DHX29: variants seen among roughly 807,000 people sequenced by gnomAD.
DHX29 encodes ATP-dependent RNA helicase DHX29.
In DHX29, 79 loss-of-function variants were observed where a neutral mutation model predicts 167.9. That is an observed-to-expected ratio of 0.47 (90% CI 0.39 to 0.57). The LOEUF is 0.57. Ranked by LOEUF, DHX29 falls within the 20% of genes least tolerant of loss-of-function variation. The pLI, the probability that DHX29 is intolerant of heterozygous loss-of-function variation, is 0.00. For missense variants in DHX29, 1,347 were observed against 1,593.4 expected (o/e 0.85, Z 2.63); for synonymous variants, 530 against 546.0 (o/e 0.97, Z 0.41).
chr5:55,295,742 T>C (rs1251532796), intron 4 of DHX29, among the ~76,000 whole-genome samples: 1 of 152,188 alleles, frequency 6.6e-6, no homozygotes, highest in Non-Finnish European at 1.5e-5. Flanking sequence ...CCTCTTGTAT[T>C]TGGCCATTAT....
At chr5:55,279,758 G>C (rs1336729269) in intron 12 of DHX29, 2 of 152,602 alleles carry the variant, frequency 1.3e-5, no homozygotes, top group Admixed American at 1.3e-4. Flanking sequence ...TTTGGAGAGA[G>C]GGGGTCTCCC....
intron 1 of DHX29, among the ~76,000 whole-genome samples, chr5:55,306,988 T>C (rs1390553280): frequency 6.6e-6 from 1 of 152,152 alleles, no homozygotes; most frequent in Non-Finnish European, 1.5e-5. Context: ...CTGAAAATGA[T>C]ATGAAAAACT....
intron 18 of DHX29, among the ~76,000 whole-genome samples, chr5:55,271,226 C>T (rs777202793): frequency 1.3e-5 from 2 of 152,116 alleles, no homozygotes; most frequent in Non-Finnish European, 2.9e-5. Context: ...GGTGGTCTGT[C>T]CTATTTATTC....
chr5:55,276,316 C>A lies in DHX29; in HGVS notation c.2377G>T (p.Glu793Ter), dbSNP rs774295101. Residue 793 changes from glutamate to a stop codon, truncating the protein, a stop_gained, in exon 14 of 27, where the codon GAA becomes TAA. Coordinates refer to ENST00000251636, the MANE Select transcript of DHX29 (RefSeq NM_019030.4). LOFTEE classifies it high-confidence loss of function. ...YCQKFLEEEE[E>*]VTINVTSKAG... ...TTGCTTGTAACATTAATGGTTACTT[C>A]TTCTTCCTCTTCCAGAAATTTCTGA... is the stretch of plus-strand genomic sequence containing the variant. 1 of 1,603,184 alleles carries A rather than the reference C, an allele frequency of 6.2e-7. No individual in the cohort carries two copies. The highest frequency in any genetic ancestry group is 2.2e-5 in the East Asian group (1 of 44,466).
At chr5:55,273,815 G>A (rs571273737) in intron 16 of DHX29, among the ~76,000 whole-genome samples, 4 of 152,060 alleles carry the variant, frequency 2.6e-5, no homozygotes, top group Non-Finnish European at 4.4e-5. Context: ...GGCCAAGTGC[G>A]GTGGCTCAGG....
chr5:55,298,550 G>A (rs776287918), intron 2 of DHX29, 41 bp downstream of exon 2: 2 of 1,205,964 alleles, frequency 1.7e-6, no homozygotes, highest in African/African-American at 1.5e-5. Flanking sequence ...GAAAAAAGGG[G>A]GAAACATTTC....
intron 23 of DHX29, among the ~76,000 whole-genome samples, chr5:55,265,329 A>G (rs1746504766): frequency 6.6e-6 from 1 of 151,716 alleles, no homozygotes; most frequent in Non-Finnish European, 1.5e-5. Context: ...CCCCATTGAT[A>G]TATCTTAATG....
intron 23 of DHX29, among the ~76,000 whole-genome samples, chr5:55,265,395 A>G (rs541765353): frequency 1.3e-5 from 2 of 152,082 alleles, no homozygotes; most frequent in East Asian, 3.9e-4. Flanking sequence ...AAAAACAAAG[A>G]TGAACCTGAA....
In DHX29 at chr5:55,307,433, G is replaced by A; in HGVS notation, c.141C>T (p.Thr47=). 6.2e-7 allele frequency: 1 copy of A among 1,612,944 alleles called. No homozygotes were observed. The highest frequency in any genetic ancestry group is 8.5e-7 in the Non-Finnish European group (1 of 1,179,810). Residue 47 remains threonine (T), a synonymous_variant, in exon 1 of 27, where the codon ACC becomes ACT. Transcript: ENST00000251636. The stretch of plus-strand genomic sequence containing the variant: ...TGGAGCCGGCAGCGGCAGCGGCAGC[G>A]GTGGCCGGCCTGGACACTGGCTTCT... ...QSKKPVSRPA[T]AAAAAAGSRE...
At chr5:55,295,765 G>T (rs186651942) in intron 4 of DHX29, among the ~76,000 whole-genome samples, 48 of 152,254 alleles carry the variant, frequency 3.2e-4, no homozygotes, top group Non-Finnish European at 1.5e-4. Flanking sequence ...CACCCTCAAT[G>T]TTAGGCTCCT....
intron 12 of DHX29, among the ~76,000 whole-genome samples, chr5:55,279,823 C>T (rs1273594815): frequency 6.6e-6 from 1 of 151,018 alleles, no homozygotes; most frequent in Admixed American, 6.6e-5. Flanking sequence ...CTCCCCCCTT[C>T]AGCCTGCCAA....
intron 4 of DHX29, 99 bp downstream of exon 4, chr5:55,296,121 G>A: frequency 8.0e-7 from 1 of 1,249,968 alleles, no homozygotes; most frequent in Non-Finnish European, 1.1e-6. Context: ...AAATAATTAT[G>A]ACAGTGAAAA....
At chr5:55,298,801 C>A (rs993948007) in intron 1 of DHX29, 137 bp from the exon 2 acceptor site, 1 of 402,116 alleles carries the variant, frequency 2.5e-6, no homozygotes, top group East Asian at 4.7e-5. Context: ...GAGGCCGAGG[C>A]GGGTGGATCA....
In DHX29 at chr5:55,276,424, T is replaced by C. The variant is rs1747120440; in HGVS notation, c.2287-18A>G. 1 of 1,559,444 alleles carries C rather than the reference T, an allele frequency of 6.4e-7. No homozygotes were observed. The highest frequency in any genetic ancestry group is 2.3e-5 in the East Asian group (1 of 43,036). Reference sequence around the variant, plus strand: ...TGAAAAACCTGCATAGAATAAGGCATATAAATGGGTGAATTCAAATTCGTT... The same window carrying C: ...TGAAAAACCTGCATAGAATAAGGCACATAAATGGGTGAATTCAAATTCGTT... On this transcript the variant is annotated intron_variant, in intron 13 of 26. Coordinates refer to ENST00000251636, the MANE Select transcript of DHX29 (RefSeq NM_019030.4).
At chr5:55,275,793 A>G (rs1253494136) in intron 14 of DHX29, among the ~76,000 whole-genome samples, 5 of 151,810 alleles carry the variant, frequency 3.3e-5, no homozygotes, top group East Asian at 1.9e-4. Context: ...CTGTCTGTCT[A>G]TCTATCTATC....
At chr5:55,256,594 CCAAGGTATG>C in intron 26 of DHX29, 54 bp from the exon 27 acceptor site, 1 of 1,535,428 alleles carries the variant, frequency 6.5e-7, no homozygotes, top group East Asian at 2.3e-5. Flanking sequence ...GTCTAATTTT[CCAAGGTATG>C]CACATGTAAA....
At chr5:55,262,281 A>C (rs1349813200) in intron 24 of DHX29, among the ~76,000 whole-genome samples, 2 of 152,148 alleles carry the variant, frequency 1.3e-5, no homozygotes, top group African/African-American at 4.8e-5. Context: ...TATTCCCCTT[A>C]TTTGGAAATA....
Position 55,281,530 on chromosome 5 carries a change from T to C in DHX29, c.1966-15A>G. On this transcript the variant is annotated splice_polypyrimidine_tract_variant and intron_variant, in intron 11 of 26. Transcript: ENST00000251636. Reference sequence around the variant, plus strand: ...CACAAGGAATTCTAAAGGGAGAACATAAGGCCTTGATTAGATTCTCATGAG... The same window carrying C: ...CACAAGGAATTCTAAAGGGAGAACACAAGGCCTTGATTAGATTCTCATGAG... The C allele has an allele frequency of 1.9e-6, 3 of 1,550,446 alleles. No individual in the cohort carries two copies. Among genetic ancestry groups the C allele is most frequent in the African/African-American group, 1.4e-5 (1 of 72,140 alleles).
In DHX29 at chr5:55,283,720, T is replaced by C. The variant is rs1747566990; in HGVS notation, c.1448A>G (p.Glu483Gly). ...AAAAAGATCACGTGGTTTATTGGTT[T>C]CCATTTTATTTAATTCTTCCCTTTT... Reference protein sequence around the residue: ...EKKREELNKMETNKPRDLFIA... With the variant: ...EKKREELNKMGTNKPRDLFIA... Residue 483 changes from glutamate (E) to glycine (G), a missense_variant, in exon 11 of 27, where the codon GAA becomes GGA. By Grantham distance (98) the Glu-to-Gly change is moderately conservative. Transcript: ENST00000251636. 1.9e-5 allele frequency: 31 copies of C among 1,613,888 alleles called. No homozygotes were observed. The highest frequency in any genetic ancestry group is 2.6e-5 in the Non-Finnish European group (31 of 1,179,998).
Sources: allele counts gnomAD v4.1 joint callset (sites outside exome capture counted in the v4.1 genomes callset), GRCh38; gene constraint gnomAD v4.1.1; transcripts MANE v1.5; gene names NCBI Gene and HGNC (gene_info 2026-07-23, HGNC 2026-07-21).